The following EBF1 variants were observed in gnomAD, a reference collection of about 807,000 sequenced individuals.
EBF1 encodes the protein EBF transcription factor 1, also known as transcription factor COE1.
In EBF1, 10 loss-of-function variants were observed where a neutral mutation model predicts 68.4. The observed-to-expected ratio is 0.15, with a 90% CI of 0.09 to 0.25. The LOEUF is 0.25. EBF1 is among the 10% of genes least tolerant of loss of function. EBF1 has a pLI of 1.00. For synonymous variants in EBF1, 298 were observed against 299.8 expected (o/e 0.99, Z 0.06); for missense variants, 509 against 794.4 (o/e 0.64, Z 4.32).
In EBF1 at chr5:158,714,201, A is replaced by G; in HGVS notation, c.1126-19T>C. ...TTACTTCCTGTCAAGAGAAAAGCAGATACAATCCTTTGAGTGAAGGCAGGT... is the reference window on the plus strand; with the variant it reads ...TTACTTCCTGTCAAGAGAAAAGCAGGTACAATCCTTTGAGTGAAGGCAGGT... On this transcript the variant is annotated intron_variant, in intron 11 of 15. Coordinates refer to ENST00000313708, the MANE Select transcript of EBF1 (RefSeq NM_024007.5). 6.2e-7 allele frequency: 1 copy of G among 1,614,062 alleles called. No homozygotes were observed. The highest frequency in any genetic ancestry group is 8.5e-7 in the Non-Finnish European group (1 of 1,179,880).
intron 10 of EBF1, among the ~76,000 whole-genome samples, chr5:158,773,165 A>C (rs1774243171): frequency 1.3e-5 from 2 of 150,624 alleles, no homozygotes; most frequent in Non-Finnish European, 2.9e-5. Flanking sequence ...AGAAGAAAAT[A>C]AGAGGGATAG....
chr5:158,913,727 T>C (rs1806515587), intron 6 of EBF1, among the ~76,000 whole-genome samples: 2 of 152,216 alleles, frequency 1.3e-5, no homozygotes, highest in Non-Finnish European at 2.9e-5. Context: ...CTACCAAGGA[T>C]ACAGTGCCTA....
At chr5:158,764,132 G>A (rs1772124441) in intron 10 of EBF1, among the ~76,000 whole-genome samples, 1 of 152,196 alleles carries the variant, frequency 6.6e-6, no homozygotes, top group Admixed American at 6.5e-5. Flanking sequence ...TGGAGTCTCA[G>A]AGTGGTTAAG....
At chr5:158,825,147 T>C in intron 7 of EBF1, among the ~76,000 whole-genome samples, 1 of 152,178 alleles carries the variant, frequency 6.6e-6, no homozygotes, top group East Asian at 1.9e-4. Context: ...GACACAGCCT[T>C]ATGTGTAAAC....
chr5:158,711,499 C>T (rs1581217334), intron 14 of EBF1, among the ~76,000 whole-genome samples: 2 of 152,302 alleles, frequency 1.3e-5, no homozygotes, highest in Admixed American at 1.3e-4. Flanking sequence ...GGGGTGGGTG[C>T]TAGTTCCTTC....
chr5:158,863,880 A>C (rs1212931066), intron 6 of EBF1, among the ~76,000 whole-genome samples: 2 of 152,164 alleles, frequency 1.3e-5, no homozygotes, highest in Non-Finnish European at 2.9e-5. Flanking sequence ...CAGAAACCGG[A>C]AGCTCAATGG....
At chr5:159,099,142 A>G (rs7732010) in intron 1 of EBF1, among the ~76,000 whole-genome samples, 1 of 152,180 alleles carries the variant, frequency 6.6e-6, no homozygotes, top group African/African-American at 2.4e-5. Context: ...CTCCTCGCAG[A>G]CAGCTCCAGG....
intron 6 of EBF1, among the ~76,000 whole-genome samples, chr5:158,934,999 C>G (rs1047411243): frequency 6.6e-6 from 1 of 152,232 alleles, no homozygotes; most frequent in African/African-American, 2.4e-5. Flanking sequence ...CAGGGTGCAA[C>G]CCAGGCAGGC....
intron 6 of EBF1, among the ~76,000 whole-genome samples, chr5:158,864,951 T>C (rs1263872153): frequency 6.6e-6 from 1 of 152,226 alleles, no homozygotes; most frequent in Non-Finnish European, 1.5e-5. Flanking sequence ...TGGACAGCTC[T>C]GCCAGGAGGT....
chr5:159,096,935 G>A lies in EBF1; in HGVS notation c.291+39C>T, dbSNP rs780697225. On this transcript the variant is annotated intron_variant, in intron 2 of 15. Coordinates refer to ENST00000313708, the MANE Select transcript of EBF1 (RefSeq NM_024007.5). The stretch of plus-strand genomic sequence containing the variant: ...AGGCTCCCGGGCCTGCTCCCGAGCC[G>A]AGCCGGGGACGAGGGGCGACAGCGC... 9 of 1,606,804 alleles carry A rather than the reference G, an allele frequency of 5.6e-6. No individual in the cohort carries two copies. In the Admixed American group the frequency reaches 8.4e-5, roughly 15 times the overall value.
intron 6 of EBF1, among the ~76,000 whole-genome samples, chr5:158,906,627 A>C (rs1409076142): frequency 6.6e-6 from 1 of 152,228 alleles, no homozygotes; most frequent in Non-Finnish European, 1.5e-5. Context: ...TCTGTGAGGC[A>C]GGTACTATTA....
At chr5:158,703,161 G>A (rs1295145798) in intron 15 of EBF1, among the ~76,000 whole-genome samples, 1 of 152,112 alleles carries the variant, frequency 6.6e-6, no homozygotes, top group Non-Finnish European at 1.5e-5. Flanking sequence ...AGCAGCATAA[G>A]CTTCAGGAGA....
intron 10 of EBF1, among the ~76,000 whole-genome samples, chr5:158,774,940 T>C (rs187658928): frequency 1.3e-5 from 2 of 151,938 alleles, no homozygotes; most frequent in Non-Finnish European, 2.9e-5. Flanking sequence ...CAGATTTTTA[T>C]TTTTCCGATA....
Position 159,036,497 on chromosome 5 carries a change from G to A in EBF1, c.554+36899C>T, listed in dbSNP as rs370533236. ...ACAGAACAGAGCCCTCAGAAATAAC[G>A]CCGCATACCTACAACTATCTGATCT... On this transcript the variant is annotated intron_variant, in intron 6 of 15. Transcript: ENST00000313708. 8.6e-5 allele frequency among the ~76,000 whole-genome samples: 12 copies of A among 138,800 alleles called. No individual in the cohort carries two copies. The East Asian group carries it at 2.3e-3, about 27-fold the overall frequency. The allele number at this position is 138,800 out of a possible 152,430, so 91.1% of individuals were successfully genotyped here.
At chr5:159,021,532 C>T (rs1287124629) in intron 6 of EBF1, among the ~76,000 whole-genome samples, 7 of 152,320 alleles carry the variant, frequency 4.6e-5, no homozygotes, top group Admixed American at 6.5e-5. Flanking sequence ...AGTACACAGC[C>T]GCATGCAGCG....
In EBF1 at chr5:159,006,647, T is replaced by TAAAAAAAAAAAAAAAAAA. The variant is rs36045942; in HGVS notation, c.554+66731_554+66748dup. On this transcript the variant is annotated intron_variant, in intron 6 of 15. Transcript: ENST00000313708. ...CTCATATAACCAATCATAGCCATGT[T>TAAAAAAAAAAAAAAAAAA]AAAAAAAAAAAAAAAAAAAAAAAAA... is the stretch of plus-strand genomic sequence containing the variant. 1.2e-4 allele frequency among the ~76,000 whole-genome samples: 7 copies of TAAAAAAAAAAAAAAAAAA among 56,208 alleles called. 2 individuals carry two copies. Among genetic ancestry groups the TAAAAAAAAAAAAAAAAAA allele is most frequent in the Non-Finnish European group, 1.8e-4 (6 of 33,596 alleles). The allele number at this position is 56,208 out of a possible 152,430, so 36.9% of individuals were successfully genotyped here.
chr5:158,862,198 A>T (rs1311667185), intron 6 of EBF1, among the ~76,000 whole-genome samples: 1 of 152,138 alleles, frequency 6.6e-6, no homozygotes, highest in Non-Finnish European at 1.5e-5. Flanking sequence ...CTGGAGATGG[A>T]GGGTAAAATA....
intron 6 of EBF1, among the ~76,000 whole-genome samples, chr5:158,914,307 C>T (rs148656711): frequency 2.7e-4 from 41 of 152,224 alleles, no homozygotes; most frequent in African/African-American, 9.9e-4. Context: ...TTAATGATCT[C>T]TGAAAACAGC....
chr5:158,864,664 GA>G, intron 6 of EBF1, among the ~76,000 whole-genome samples: 1 of 152,296 alleles, frequency 6.6e-6, no homozygotes, highest in Non-Finnish European at 1.5e-5. Context: ...CCAGCTATTA[GA>G]AAAGAATGGA....
Sources: allele counts gnomAD v4.1 joint callset (sites outside exome capture counted in the v4.1 genomes callset), GRCh38; gene constraint gnomAD v4.1.1; transcripts MANE v1.5; gene names NCBI Gene and HGNC (gene_info 2026-07-23, HGNC 2026-07-21).